Variants in TECRL observed in about 807,000 individuals in gnomAD.
TECRL encodes trans-2,3-enoyl-CoA reductase like.
A neutral mutation model predicts 52.8 loss-of-function variants in TECRL; 63 were observed. The observed-to-expected ratio is 1.19, with a 90% CI of 0.97 to 1.47. TECRL has a LOEUF of 1.47. Among genes scored for constraint, TECRL ranks in the 40% most tolerant of loss-of-function variants. The pLI is 0.00. For missense variants in TECRL, 482 were observed against 429.6 expected, an observed-to-expected ratio of 1.12 and a Z score of -1.08; for synonymous variants, 164 against 141.9, an observed-to-expected ratio of 1.16 and a Z score of -1.10.
chr4:64,347,185 G>C (rs1720049983), intron 2 of TECRL, among the ~76,000 whole-genome samples: 1 of 152,156 alleles, frequency 6.6e-6, no homozygotes, highest in Non-Finnish European at 1.5e-5. Flanking sequence ...TTAATGCAGT[G>C]AGGCCATAGT....
intron 9 of TECRL, among the ~76,000 whole-genome samples, chr4:64,285,475 C>T (rs1348127453): frequency 1.3e-5 from 2 of 152,016 alleles, no homozygotes; most frequent in African/African-American, 4.8e-5. Context: ...TAAATGGTTC[C>T]CTTCTAGACA....
At chr4:64,355,527 C>T (rs9998905) in intron 2 of TECRL, among the ~76,000 whole-genome samples, 100,688 of 151,810 alleles carry the variant, frequency 0.66, 34,766 homozygotes, top group Non-Finnish European at 0.76. Flanking sequence ...GGCCGGGCAC[C>T]GTGGCTCACG....
intron 4 of TECRL, among the ~76,000 whole-genome samples, chr4:64,321,204 G>T (rs921318822): frequency 6.6e-6 from 1 of 150,996 alleles, no homozygotes; most frequent in East Asian, 1.9e-4. Context: ...AAGAAAGACT[G>T]TTAGAAAATA....
At chr4:64,379,284 A>G (rs1174293736) in intron 1 of TECRL, among the ~76,000 whole-genome samples, 5 of 134,714 alleles carry the variant, frequency 3.7e-5, no homozygotes, top group South Asian at 4.9e-4. Context: ...ACACACACAC[A>G]CACTTGACCC....
chr4:64,395,151 C>T (rs530830808), intron 1 of TECRL, among the ~76,000 whole-genome samples: 1 of 151,984 alleles, frequency 6.6e-6, no homozygotes, highest in Admixed American at 6.6e-5. Context: ...AACTCCTGGC[C>T]TCAGGTGATC....
intron 2 of TECRL, among the ~76,000 whole-genome samples, chr4:64,360,091 G>A (rs1721068865): frequency 6.6e-6 from 1 of 152,102 alleles, no homozygotes; most frequent in Non-Finnish European, 1.5e-5. Flanking sequence ...GTAACCATAT[G>A]TTCAAAGTAT....
rs1723197731 is a variant in TECRL at position 64,288,484 on chromosome 4, T to C, written c.832+1226A>G. 1.3e-5 allele frequency among the ~76,000 whole-genome samples: 2 copies of C among 152,150 alleles called. 1 individual carries two copies. Among genetic ancestry groups the C allele is most frequent in the African/African-American group, 4.8e-5 (2 of 41,428 alleles). On this transcript the variant is annotated intron_variant, in intron 9 of 11. Coordinates refer to ENST00000381210, the MANE Select transcript of TECRL (RefSeq NM_001010874.5). ...GATAAGTCAGTTCCTCATAAGCTGA[T>C]CGAAAATATATATATATAAAAGTCA...
At chr4:64,361,761 G>A (rs547714200) in intron 2 of TECRL, among the ~76,000 whole-genome samples, 11 of 152,264 alleles carry the variant, frequency 7.2e-5, no homozygotes, top group Non-Finnish European at 1.5e-4. Flanking sequence ...CCACACAGAT[G>A]AGAAAGAACC....
chr4:64,293,548 G>C (rs919571855), intron 8 of TECRL, among the ~76,000 whole-genome samples: 4 of 152,110 alleles, frequency 2.6e-5, no homozygotes, highest in African/African-American at 9.7e-5. Flanking sequence ...GTTAAGCATT[G>C]TGTCTTGGTC....
chr4:64,293,758 A>G (rs1461173280), intron 8 of TECRL, among the ~76,000 whole-genome samples: 1 of 151,990 alleles, frequency 6.6e-6, no homozygotes, highest in Non-Finnish European at 1.5e-5. Context: ...GTCCTAATAT[A>G]GAATTGGTAG....
At chr4:64,341,360 G>C (rs1423296303) in intron 2 of TECRL, among the ~76,000 whole-genome samples, 1 of 152,160 alleles carries the variant, frequency 6.6e-6, no homozygotes, top group Non-Finnish European at 1.5e-5. Context: ...CAGCACTTTG[G>C]GAGGTTGGGG....
At chr4:64,312,051 T>C (rs1007769124) in intron 5 of TECRL, among the ~76,000 whole-genome samples, 1 of 152,284 alleles carries the variant, frequency 6.6e-6, no homozygotes, top group South Asian at 2.1e-4. Flanking sequence ...ATGGGAGATG[T>C]ACCTTTAGTC....
At chr4:64,317,839 T>TG (rs1335532096) in intron 4 of TECRL, among the ~76,000 whole-genome samples, 1 of 152,128 alleles carries the variant, frequency 6.6e-6, no homozygotes, top group Non-Finnish European at 1.5e-5. Context: ...AATGTTGAAA[T>TG]GGGGGATCCA....
intron 2 of TECRL, among the ~76,000 whole-genome samples, chr4:64,338,182 A>AAG (rs1455371275): frequency 6.6e-6 from 1 of 152,180 alleles, no homozygotes; most frequent in African/African-American, 2.4e-5. Flanking sequence ...GAAATAGGGA[A>AAG]AGGATTCCCT....
chr4:64,325,808 A>G (rs1229792401), intron 3 of TECRL, among the ~76,000 whole-genome samples: 1 of 152,156 alleles, frequency 6.6e-6, no homozygotes, highest in African/African-American at 2.4e-5. Flanking sequence ...TTCAAAGAAC[A>G]GATCATTGGC....
At chr4:64,309,385 A>G (rs557276700) in intron 6 of TECRL, among the ~76,000 whole-genome samples, 3 of 152,262 alleles carry the variant, frequency 2.0e-5, no homozygotes, top group Non-Finnish European at 4.4e-5. Context: ...TTGATAGTTC[A>G]TAACTGTTGC....
chr4:64,333,719 A>T (rs1362546378), intron 2 of TECRL, among the ~76,000 whole-genome samples: 1 of 152,136 alleles, frequency 6.6e-6, no homozygotes. Flanking sequence ...AGGAAGTGTC[A>T]TGGCATGAGA....
Position 64,366,879 on chromosome 4 carries a change from G to A in TECRL, c.286+8293C>T, listed in dbSNP as rs182443077. On this transcript the variant is annotated intron_variant, in intron 2 of 11. Coordinates refer to ENST00000381210, the MANE Select transcript of TECRL (RefSeq NM_001010874.5). The stretch of plus-strand genomic sequence containing the variant: ...AACTATCGTTTGGCCCAGCAATACC[G>A]TTACTATGTATATGCCTGAAGGAAT... Among the ~76,000 whole-genome samples the A allele has an allele frequency of 2.1e-3, 285 of 134,990 alleles. 3 individuals carry two copies. The highest frequency in any genetic ancestry group is 4.5e-3 in the Admixed American group (56 of 12,492). The allele number at this position is 134,990 out of a possible 152,430, so 88.6% of individuals were successfully genotyped here. A position where few individuals can be genotyped will look rare whatever the true frequency, so the allele number is the denominator to read the frequency against.
At chr4:64,324,324 C>A (rs903247359) in intron 3 of TECRL, among the ~76,000 whole-genome samples, 1 of 151,696 alleles carries the variant, frequency 6.6e-6, no homozygotes, top group Non-Finnish European at 1.5e-5. Flanking sequence ...GTATACCAAG[C>A]AGGAAGAAAA....
Sources: allele counts gnomAD v4.1 joint callset (sites outside exome capture counted in the v4.1 genomes callset), GRCh38; gene constraint gnomAD v4.1.1; transcripts MANE v1.5; gene names NCBI Gene and HGNC (gene_info 2026-07-23, HGNC 2026-07-21).